ZFHX3: variants seen among roughly 807,000 people sequenced by gnomAD.
The protein encoded by ZFHX3 is zinc finger homeobox 3.
Under a neutral mutation model 279.1 loss-of-function variants are expected in ZFHX3, and 42 were observed. The observed-to-expected ratio is 0.15, with a 90% confidence interval of 0.12 to 0.19. The LOEUF (loss-of-function observed/expected upper bound fraction) is 0.19. ZFHX3 is among the 10% of genes least tolerant of loss of function. The probability of loss-of-function intolerance (pLI) is 1.00; values close to 1 mark genes in which losing one functional copy is unlikely to be tolerated. For synonymous variants in ZFHX3, 2,293 were observed against 1,957.8 expected, an observed-to-expected ratio of 1.17 and a Z score of -4.52; for missense variants, 4,981 against 4,754.0, an observed-to-expected ratio of 1.05 and a Z score of -1.40.
chr16:73,844,116 A>G (rs1961384579), intron 1 of ZFHX3, among the ~76,000 whole-genome samples: 1 of 152,216 alleles, frequency 6.6e-6, no homozygotes, highest in Admixed American at 6.5e-5. Context: ...TATACTTTCA[A>G]ACAAGTGTTT....
Position 72,787,633 on chromosome 16 carries a change from A to G in ZFHX3, c.10643T>C (p.Leu3548Pro). The stretch of plus-strand genomic sequence containing the variant: ...TCTGTGTTTGTGCAAGGCCGACTCG[A>G]GATGTTGACTCAGAGCTTCCTCCCC... ...LCGEEALSQH[L>P]ESALHKHRTI... Residue 3548 changes from leucine (L) to proline (P), a missense_variant, in exon 10 of 10, where the codon CTC becomes CCC. Transcript: ENST00000268489. 6.2e-7 allele frequency: 1 copy of G among 1,612,114 alleles called. No individual in the cohort carries two copies. Among genetic ancestry groups the G allele is most frequent in the Non-Finnish European group, 8.5e-7 (1 of 1,179,042 alleles).
chr16:72,940,717 C>T (rs114248507), intron 3 of ZFHX3, among the ~76,000 whole-genome samples: 2 of 152,388 alleles, frequency 1.3e-5, no homozygotes, highest in African/African-American at 2.4e-5. Context: ...GTGGGTATCA[C>T]TGTTGACCTA....
chr16:73,798,925 C>T (rs1204286984), intron 1 of ZFHX3, among the ~76,000 whole-genome samples: 3 of 152,208 alleles, frequency 2.0e-5, no homozygotes, highest in Non-Finnish European at 4.4e-5. Context: ...TTGGCTTCTT[C>T]AAATGTCCTG....
At chr16:73,619,458 A>G (rs901095970) in intron 2 of ZFHX3, among the ~76,000 whole-genome samples, 6 of 148,440 alleles carry the variant, frequency 4.0e-5, no homozygotes, top group African/African-American at 1.5e-4. Context: ...ACTGCACTTC[A>G]GCCTGGGTGA....
At chr16:73,764,762 G>A (rs1034983276) in intron 1 of ZFHX3, among the ~76,000 whole-genome samples, 6 of 152,136 alleles carry the variant, frequency 3.9e-5, no homozygotes, top group South Asian at 2.1e-4. Context: ...ATACTGCCAC[G>A]TAGACACAAA....
chr16:73,325,067 C>A (rs768202625), intron 3 of ZFHX3, among the ~76,000 whole-genome samples: 1 of 152,120 alleles, frequency 6.6e-6, no homozygotes, highest in Non-Finnish European at 1.5e-5. Flanking sequence ...TCATCTGACT[C>A]TTTCACAACC....
At chr16:73,642,187 T>G (rs1042474971) in intron 2 of ZFHX3, among the ~76,000 whole-genome samples, 2 of 152,202 alleles carry the variant, frequency 1.3e-5, no homozygotes, top group Non-Finnish European at 2.9e-5. Context: ...GAACTCTTTT[T>G]CTTTTACTCA....
chr16:73,463,953 G>A (rs1343793303), intron 2 of ZFHX3, among the ~76,000 whole-genome samples: 2 of 152,102 alleles, frequency 1.3e-5, no homozygotes, highest in African/African-American at 4.8e-5. Flanking sequence ...TTATTAAAAC[G>A]TCTACCATGC....
chr16:73,021,187 G>T (rs1964285244), intron 1 of ZFHX3, among the ~76,000 whole-genome samples: 1 of 152,198 alleles, frequency 6.6e-6, no homozygotes, highest in South Asian at 2.1e-4. Context: ...TCAATAAAAG[G>T]AAAGACTGAA....
At chr16:73,830,938 A>G (rs1960979721) in intron 1 of ZFHX3, among the ~76,000 whole-genome samples, 1 of 152,170 alleles carries the variant, frequency 6.6e-6, no homozygotes, top group East Asian at 1.9e-4. Context: ...CAAGTCCACC[A>G]CATCAATTGC....
intron 4 of ZFHX3, among the ~76,000 whole-genome samples, chr16:73,271,278 T>C (rs2014137015): frequency 6.6e-6 from 1 of 152,170 alleles, no homozygotes. Flanking sequence ...TGGGCCCTTT[T>C]TGTTTTCTTC....
rs571954102 is a variant in ZFHX3, at chr16:73,650,940, G to A, written c.-1547+29240C>T. The stretch of plus-strand genomic sequence containing the variant: ...GGAAGAAAAATAGAAAAAGACAAAT[G>A]ACCAAAACAGACCTATACACATAAA... On this transcript the variant is annotated intron_variant, in intron 2 of 17. Coordinates refer to the ZFHX3 transcript ENST00000641206. Among the ~76,000 whole-genome samples the A allele has an allele frequency of 6.6e-5, 10 of 152,098 alleles. No individual in the cohort carries two copies. The South Asian group carries it at 2.1e-3, about 32-fold the overall frequency.
chr16:73,123,087 C>T (rs1043630267), intron 7 of ZFHX3, among the ~76,000 whole-genome samples: 2 of 151,722 alleles, frequency 1.3e-5, no homozygotes, highest in Non-Finnish European at 1.5e-5. Flanking sequence ...ACACTCCCCA[C>T]CCTCTAAAAC....
chr16:73,180,090 T>A (rs985512686), intron 5 of ZFHX3, among the ~76,000 whole-genome samples: 1 of 152,164 alleles, frequency 6.6e-6, no homozygotes, highest in African/African-American at 2.4e-5. Context: ...GGAAACTGTA[T>A]AAACAGATTG....
chr16:72,931,767 TC>T (rs1959821250), intron 3 of ZFHX3, among the ~76,000 whole-genome samples: 1 of 152,128 alleles, frequency 6.6e-6, no homozygotes, highest in African/African-American at 2.4e-5. Flanking sequence ...CAATGTTAAG[TC>T]ATCCGAGCCA....
chr16:72,791,184 C>T (rs1005544084), intron 9 of ZFHX3: 26 of 152,330 alleles, frequency 1.7e-4, no homozygotes, highest in African/African-American at 6.0e-4. Flanking sequence ...GGAACCTCAG[C>T]TTTCCATAAC....
intron 6 of ZFHX3, among the ~76,000 whole-genome samples, chr16:73,135,750 G>A (rs1051736042): frequency 6.6e-6 from 1 of 152,216 alleles, no homozygotes; most frequent in Non-Finnish European, 1.5e-5. Flanking sequence ...ACTGGGCTTA[G>A]GAAACTTCAA....
At position 73,889,253 on chromosome 16, in the gene ZFHX3, T is replaced by C. The variant is rs138590205; in HGVS notation, c.-1608+2398A>G. Among the ~76,000 whole-genome samples the C allele has an allele frequency of 2.2e-3, 342 of 152,328 alleles. 2 individuals are homozygous for C. Among genetic ancestry groups the C allele is most frequent in the South Asian group, 9.7e-3 (47 of 4,830 alleles). On this transcript the variant is annotated intron_variant, in intron 1 of 17. Coordinates refer to the ZFHX3 transcript ENST00000641206. Reference sequence around the variant, plus strand: ...AGGTGCGGCTGTGCAGGAAGGAAGCTGCGCCAGACCCGCGCTCCAGAACTT... The same window carrying C: ...AGGTGCGGCTGTGCAGGAAGGAAGCCGCGCCAGACCCGCGCTCCAGAACTT...
intron 5 of ZFHX3, among the ~76,000 whole-genome samples, chr16:73,180,657 A>G (rs1347172013): frequency 6.7e-6 from 1 of 149,122 alleles, no homozygotes; most frequent in African/African-American, 2.5e-5. Context: ...GCTTACTGTC[A>G]TTCTGCTGCT....
Sources: gnomAD v4.1 joint callset for allele counts (sites outside exome capture counted in the v4.1 genomes callset) on GRCh38, gnomAD v4.1.1 for gene constraint, MANE v1.5 for transcripts, NCBI Gene and HGNC (gene_info 2026-07-23, HGNC 2026-07-21) for gene names.